The following FHIT variants were observed in gnomAD, a reference collection of about 807,000 sequenced individuals.
FHIT encodes bis(5'-adenosyl)-triphosphatase.
A neutral mutation model predicts 17.9 loss-of-function variants in FHIT; 19 were observed. That is an observed-to-expected ratio of 1.06 (90% CI 0.74 to 1.56). FHIT has a LOEUF of 1.56. Among genes scored for constraint, FHIT ranks in the 40% most tolerant of loss-of-function variants. FHIT has a pLI of 0.00. For synonymous variants in FHIT, 81 were observed against 69.7 expected (o/e 1.16, Z -0.81); for missense variants, 248 against 189.2 (o/e 1.31, Z -1.82).
chr3:60,480,769 C>T (rs1172357885), intron 5 of FHIT, among the ~76,000 whole-genome samples: 1 of 152,234 alleles, frequency 6.6e-6, no homozygotes, highest in African/African-American at 2.4e-5. Context: ...ACCTCTCTGA[C>T]TCTGCAGGGT....
chr3:59,881,486 C>T (rs893064818), intron 8 of FHIT, among the ~76,000 whole-genome samples: 2 of 152,102 alleles, frequency 1.3e-5, no homozygotes, highest in Non-Finnish European at 2.9e-5. Flanking sequence ...AACTTCAGAG[C>T]ATCACAAGCC....
chr3:60,448,103 G>A (rs1273571585), intron 5 of FHIT, among the ~76,000 whole-genome samples: 1 of 152,136 alleles, frequency 6.6e-6, no homozygotes, highest in Non-Finnish European at 1.5e-5. Context: ...GACTGTCCAT[G>A]GTGGATACTG....
At chr3:61,180,287 G>T (rs2038298372) in intron 2 of FHIT, among the ~76,000 whole-genome samples, 1 of 152,192 alleles carries the variant, frequency 6.6e-6, no homozygotes, top group South Asian at 2.1e-4. Context: ...CTCAGCAAGT[G>T]ATTTAGAGCA....
chr3:60,016,926 T>C (rs1279440852), intron 5 of FHIT, among the ~76,000 whole-genome samples: 1 of 152,208 alleles, frequency 6.6e-6, no homozygotes, highest in African/African-American at 2.4e-5. Context: ...AAACTATTAA[T>C]ACTATTATAA....
intron 4 of FHIT, among the ~76,000 whole-genome samples, chr3:60,560,795 G>A (rs978757241): frequency 2.9e-5 from 4 of 139,106 alleles, no homozygotes; most frequent in Non-Finnish European, 6.1e-5. Context: ...TTCTACTGAT[G>A]TAAGGAGACA....
At chr3:60,705,139 G>C (rs1193638634) in intron 4 of FHIT, among the ~76,000 whole-genome samples, 2 of 151,356 alleles carry the variant, frequency 1.3e-5, no homozygotes, top group African/African-American at 4.9e-5. Flanking sequence ...ATACAAGATA[G>C]CAACAATCAT....
At chr3:59,871,027 G>T (rs1344812009) in intron 8 of FHIT, among the ~76,000 whole-genome samples, 1 of 152,012 alleles carries the variant, frequency 6.6e-6, no homozygotes, top group Non-Finnish European at 1.5e-5. Flanking sequence ...ATAGGATAAG[G>T]CCACCAATTA....
chr3:59,992,862 A>G (rs537434779), intron 7 of FHIT, among the ~76,000 whole-genome samples: 4 of 152,242 alleles, frequency 2.6e-5, no homozygotes, highest in South Asian at 4.1e-4. Context: ...ATATGAAGAC[A>G]GGACTGAAAA....
chr3:60,114,596 T>C (rs1704868946), intron 5 of FHIT, among the ~76,000 whole-genome samples: 1 of 144,938 alleles, frequency 6.9e-6, no homozygotes. Context: ...TGGACTCAAG[T>C]CATCCTCCCG....
chr3:59,979,538 A>AT (rs886501177), intron 7 of FHIT, among the ~76,000 whole-genome samples: 6 of 151,964 alleles, frequency 3.9e-5, no homozygotes, highest in East Asian at 1.9e-4. Flanking sequence ...CCTTGGGGAC[A>AT]TTTTTTTTCC....
At chr3:60,825,554 G>C (rs1702081151) in intron 3 of FHIT, among the ~76,000 whole-genome samples, 1 of 151,348 alleles carries the variant, frequency 6.6e-6, no homozygotes, top group Admixed American at 6.6e-5. Flanking sequence ...GGTGAGTGGT[G>C]GGCAAGCGAG....
At chr3:61,200,068 C>A (rs1341342303) in intron 2 of FHIT, among the ~76,000 whole-genome samples, 1 of 152,156 alleles carries the variant, frequency 6.6e-6, no homozygotes, top group Non-Finnish European at 1.5e-5. Context: ...TTGCTTCAAG[C>A]TTGGAAGTTC....
intron 4 of FHIT, among the ~76,000 whole-genome samples, chr3:60,801,981 A>T (rs1264078234): frequency 6.6e-6 from 1 of 152,254 alleles, no homozygotes; most frequent in Non-Finnish European, 1.5e-5. Flanking sequence ...TCACATAATC[A>T]TTAAGAAGTA....
intron 5 of FHIT, among the ~76,000 whole-genome samples, chr3:60,209,702 G>A (rs759268745): frequency 6.6e-6 from 1 of 152,152 alleles, no homozygotes. Context: ...CATCAATGAT[G>A]AACTGGATCA....
intron 2 of FHIT, among the ~76,000 whole-genome samples, chr3:61,122,638 AG>A (rs2036492122): frequency 6.6e-6 from 1 of 152,154 alleles, no homozygotes; most frequent in South Asian, 2.1e-4. Flanking sequence ...GAATCTACAA[AG>A]AACTTAAACA....
At chr3:60,692,207 C>G (rs1453818654) in intron 4 of FHIT, among the ~76,000 whole-genome samples, 2 of 152,132 alleles carry the variant, frequency 1.3e-5, no homozygotes, top group African/African-American at 4.8e-5. Flanking sequence ...GTAGTTTCAG[C>G]ATAGATATAG....
chr3:60,441,334 T>C (rs1426766838), intron 5 of FHIT, among the ~76,000 whole-genome samples: 1 of 152,058 alleles, frequency 6.6e-6, no homozygotes, highest in African/African-American at 2.4e-5. Context: ...TCTAAAAATG[T>C]CTAGCAATAA....
At chr3:60,956,539 C>G (rs1709168901) in intron 3 of FHIT, among the ~76,000 whole-genome samples, 1 of 152,120 alleles carries the variant, frequency 6.6e-6, no homozygotes, top group Non-Finnish European at 1.5e-5. Flanking sequence ...AAGTTTAAAC[C>G]AAGTAGTGCC....
At chr3:61,188,987 G>A (rs896199553) in intron 2 of FHIT, among the ~76,000 whole-genome samples, 18 of 151,918 alleles carry the variant, frequency 1.2e-4, no homozygotes, top group African/African-American at 3.1e-4. Flanking sequence ...TACTGAATGG[G>A]CAAAAACTGG....
Sources: gnomAD v4.1 joint callset for allele counts (sites outside exome capture counted in the v4.1 genomes callset) on GRCh38, gnomAD v4.1.1 for gene constraint, MANE v1.5 for transcripts, NCBI Gene and HGNC (gene_info 2026-07-23, HGNC 2026-07-21) for gene names.